Variants in RPTOR observed in about 807,000 individuals in gnomAD.
The protein encoded by RPTOR is regulatory associated protein of MTOR complex 1.
A neutral mutation model predicts 169.9 loss-of-function variants in RPTOR; 21 were observed. That is an observed-to-expected ratio of 0.12 (90% CI 0.09 to 0.18). The LOEUF is 0.18. Among genes scored for constraint, RPTOR ranks in the 10% least tolerant of loss-of-function variants. The probability of loss-of-function intolerance (pLI) is 1.00; values close to 1 mark genes in which losing one functional copy is unlikely to be tolerated. For synonymous variants in RPTOR, 732 were observed against 753.2 expected (o/e 0.97, Z 0.46); for missense variants, 1,133 against 1,855.9 (o/e 0.61, Z 7.16).
intron 20 of RPTOR, among the ~76,000 whole-genome samples, chr17:80,907,199 G>A (rs560069710): frequency 4.0e-4 from 61 of 152,358 alleles, no homozygotes; most frequent in African/African-American, 1.4e-3. Context: ...CAGGTGGACT[G>A]GAATCACACC....
At chr17:80,798,470 C>T (rs1041576803) in intron 7 of RPTOR, among the ~76,000 whole-genome samples, 25 of 152,094 alleles carry the variant, frequency 1.6e-4, no homozygotes, top group African/African-American at 5.8e-4. Flanking sequence ...GTTGCCTGCT[C>T]CTGCTTGGGA....
At chr17:80,684,621 T>C (rs2065923156) in intron 3 of RPTOR, among the ~76,000 whole-genome samples, 1 of 151,802 alleles carries the variant, frequency 6.6e-6, no homozygotes, top group African/African-American at 2.4e-5. Context: ...ATTTTTTGTA[T>C]TTTTTAGTAG....
intron 1 of RPTOR, chr17:80,602,565 T>C (rs1020279577): frequency 3.4e-6 from 2 of 590,086 alleles, no homozygotes; most frequent in East Asian, 3.8e-5. Flanking sequence ...CTCATCCACA[T>C]TGACTGTCTG....
chr17:80,550,172 C>T (rs2084327395), intron 1 of RPTOR, among the ~76,000 whole-genome samples: 1 of 152,190 alleles, frequency 6.6e-6, no homozygotes, highest in Non-Finnish European at 1.5e-5. Context: ...TGCCCTGTTC[C>T]ACTCCCCTGA....
chr17:80,685,710 A>G (rs2065941921), intron 3 of RPTOR, among the ~76,000 whole-genome samples: 1 of 128,142 alleles, frequency 7.8e-6, no homozygotes, highest in Admixed American at 8.7e-5. Context: ...AATGATTTAT[A>G]TTTCCACGAC....
In RPTOR at chr17:80,892,809, G is replaced by A. The variant is rs763893399; in HGVS notation, c.2182G>A (p.Ala728Thr). ...TGTGAGCTCCTATGGAAACATCCGT[G>A]CTGTCGCCACAGCCAGGAGCCTCAA... ...RSVSSYGNIRAVATARSLNKS... is the reference protein window; with the variant it reads ...RSVSSYGNIRTVATARSLNKS... Residue 728 changes from alanine to threonine, a missense_variant, in exon 19 of 34, where the codon GCT (alanine) becomes ACT (threonine). Coordinates refer to ENST00000306801, the MANE Select transcript of RPTOR (RefSeq NM_020761.3). 6.2e-7 allele frequency: 1 copy of A among 1,614,226 alleles called. No homozygotes were observed. The highest frequency in any genetic ancestry group is 1.1e-5 in the South Asian group (1 of 91,082).
intron 15 of RPTOR, 134 bp downstream of exon 15, chr17:80,883,618 C>A: frequency 2.5e-6 from 3 of 1,183,964 alleles, no homozygotes; most frequent in East Asian, 4.7e-5. Flanking sequence ...ATCTAGCCAG[C>A]CATTTGCAGG....
At chr17:80,666,336 C>G (rs1258019617) in intron 3 of RPTOR, among the ~76,000 whole-genome samples, 1 of 152,118 alleles carries the variant, frequency 6.6e-6, no homozygotes, top group Non-Finnish European at 1.5e-5. Context: ...CTCGATCAAG[C>G]CTGCTGCAGA....
chr17:80,892,593 G>A (rs2068340099), intron 18 of RPTOR, 136 bp from the exon 19 acceptor site: 3 of 955,188 alleles, frequency 3.1e-6, no homozygotes, highest in Non-Finnish European at 4.8e-6. Flanking sequence ...CCTGAGCTGT[G>A]CAGCCCCTGC....
chr17:80,831,345 G>C (rs1459767521), intron 9 of RPTOR, among the ~76,000 whole-genome samples: 2 of 152,158 alleles, frequency 1.3e-5, no homozygotes, highest in African/African-American at 2.4e-5. Context: ...CCTCCAATAA[G>C]GCATTTGATT....
intron 3 of RPTOR, among the ~76,000 whole-genome samples, chr17:80,683,224 T>G (rs908197270): frequency 2.0e-5 from 3 of 152,180 alleles, no homozygotes; most frequent in Non-Finnish European, 4.4e-5. Flanking sequence ...CAGCTTTGCT[T>G]TCTCAGTCTG....
intron 2 of RPTOR, 142 bp from the exon 3 acceptor site, chr17:80,643,586 A>G (rs1193720553): frequency 8.4e-6 from 5 of 594,386 alleles, no homozygotes; most frequent in South Asian, 2.2e-5. Context: ...TCTGGTTAAC[A>G]CTGATCAACC....
At chr17:80,908,607 C>T (rs3751941) in intron 20 of RPTOR, among the ~76,000 whole-genome samples, 1 of 152,182 alleles carries the variant, frequency 6.6e-6, no homozygotes, top group Non-Finnish European at 1.5e-5. Context: ...GTAGATGAAT[C>T]CATGTGATCA....
At chr17:80,886,497 C>T (rs143884014) in intron 17 of RPTOR, among the ~76,000 whole-genome samples, 1 of 152,338 alleles carries the variant, frequency 6.6e-6, no homozygotes, top group Non-Finnish European at 1.5e-5. Context: ...GTGGACATCA[C>T]TGATCAAAGC....
At chr17:80,682,783 A>C (rs1456649793) in intron 3 of RPTOR, among the ~76,000 whole-genome samples, 2 of 148,596 alleles carry the variant, frequency 1.3e-5, no homozygotes, top group Non-Finnish European at 3.0e-5. Context: ...CTGTGTTCTA[A>C]TTTGTTTCCT....
At chr17:80,669,666 C>T (rs749500252) in intron 3 of RPTOR, among the ~76,000 whole-genome samples, 4 of 152,168 alleles carry the variant, frequency 2.6e-5, no homozygotes, top group South Asian at 2.1e-4. Flanking sequence ...TACAGGCGTG[C>T]GCCACCGCGC....
intron 13 of RPTOR, among the ~76,000 whole-genome samples, chr17:80,863,454 G>A (rs893251097): frequency 7.9e-5 from 12 of 152,124 alleles, no homozygotes; most frequent in Non-Finnish European, 1.6e-4. Flanking sequence ...TCATTAGCAG[G>A]CCAGGACATT....
At chr17:80,627,186 A>G (rs2065402647) in intron 2 of RPTOR, among the ~76,000 whole-genome samples, 1 of 152,138 alleles carries the variant, frequency 6.6e-6, no homozygotes, top group Admixed American at 6.5e-5. Flanking sequence ...CGCCCAGGCA[A>G]TTTTTGTATT....
chr17:80,862,111 G>A (rs999930771), intron 13 of RPTOR, among the ~76,000 whole-genome samples: 3 of 152,098 alleles, frequency 2.0e-5, no homozygotes, highest in African/African-American at 7.2e-5. Flanking sequence ...CTGCTGAAGG[G>A]GTCATCTGCT....
Sources: allele counts gnomAD v4.1 joint callset (sites outside exome capture counted in the v4.1 genomes callset), GRCh38; gene constraint gnomAD v4.1.1; transcripts MANE v1.5; gene names NCBI Gene and HGNC (gene_info 2026-07-23, HGNC 2026-07-21).